KCNQ5: variants seen among roughly 807,000 people sequenced by gnomAD.
The protein encoded by KCNQ5 is potassium voltage-gated channel subfamily Q member 5, also known as potassium voltage-gated channel subfamily KQT member 5.
Under a neutral mutation model 98.2 loss-of-function variants are expected in KCNQ5, and 30 were observed. That is an observed-to-expected ratio of 0.31 (90% confidence interval 0.23 to 0.41). The LOEUF (loss-of-function observed/expected upper bound fraction) is 0.41, where lower values mean the gene tolerates loss of function less well. Ranked by LOEUF, KCNQ5 falls within the 10% of genes least tolerant of loss-of-function variation. The pLI is 1.00. For missense variants in KCNQ5, 835 were observed against 1,182.5 expected, an observed-to-expected ratio of 0.71 and a Z score of 4.31; for synonymous variants, 458 against 449.4, an observed-to-expected ratio of 1.02 and a Z score of -0.24.
At chr6:72,663,539 T>A (rs1292941717) in intron 1 of KCNQ5, among the ~76,000 whole-genome samples, 2 of 152,182 alleles carry the variant, frequency 1.3e-5, no homozygotes, top group South Asian at 2.1e-4. Flanking sequence ...TGAAGTTTTT[T>A]AAAAAGTAAT....
intron 1 of KCNQ5, among the ~76,000 whole-genome samples, chr6:72,809,299 G>A (rs1008194613): frequency 4.0e-5 from 6 of 149,366 alleles, no homozygotes; most frequent in East Asian, 2.0e-4. Context: ...GCTAGATGAC[G>A]AGTTAGTGGG....
At chr6:72,874,691 T>C (rs1170053530) in intron 1 of KCNQ5, among the ~76,000 whole-genome samples, 1 of 152,128 alleles carries the variant, frequency 6.6e-6, no homozygotes, top group East Asian at 1.9e-4. Context: ...TACCTAACAT[T>C]GTCCTCATTC....
Position 72,632,360 on chromosome 6 carries a change from C to T in KCNQ5, c.398+9773C>T, listed in dbSNP as rs185183505. ...GTTTCACCGTGTTAGCCAGGATGGT[C>T]TCCATCTCCTGACCTCGTGATCCGC... On this transcript the variant is annotated intron_variant, in intron 1 of 13. Transcript: ENST00000370398. Among the ~76,000 whole-genome samples, 1,285 of 152,124 alleles carry T rather than the reference C, an allele frequency of 8.4e-3. 9 individuals are homozygous for T. Among genetic ancestry groups the T allele is most frequent in the Non-Finnish European group, 0.014 (948 of 67,936 alleles).
intron 10 of KCNQ5, among the ~76,000 whole-genome samples, chr6:73,145,675 T>C (rs1776892452): frequency 6.6e-6 from 1 of 152,232 alleles, no homozygotes; most frequent in African/African-American, 2.4e-5. Flanking sequence ...ATGTTGGCAT[T>C]TCCTGGCACT....
At chr6:73,082,389 C>T (rs974652060) in intron 5 of KCNQ5, among the ~76,000 whole-genome samples, 1 of 152,108 alleles carries the variant, frequency 6.6e-6, no homozygotes, top group Non-Finnish European at 1.5e-5. Context: ...AACGTCATGA[C>T]CTTACCTATG....
intron 3 of KCNQ5, among the ~76,000 whole-genome samples, chr6:73,057,175 G>T (rs1772548047): frequency 6.6e-6 from 1 of 152,108 alleles, no homozygotes; most frequent in African/African-American, 2.4e-5. Context: ...CATGTCCTTT[G>T]CAGGGACATG....
intron 1 of KCNQ5, among the ~76,000 whole-genome samples, chr6:72,739,855 T>C (rs1303807077): frequency 6.6e-6 from 1 of 152,224 alleles, no homozygotes; most frequent in African/African-American, 2.4e-5. Context: ...TATTGTGTTT[T>C]AAGAATATTT....
At chr6:72,857,484 G>A (rs1777581272) in intron 1 of KCNQ5, among the ~76,000 whole-genome samples, 1 of 152,156 alleles carries the variant, frequency 6.6e-6, no homozygotes, top group Non-Finnish European at 1.5e-5. Context: ...TATTTTACAG[G>A]AAGGGCAGTT....
chr6:72,685,902 G>T (rs112539321), intron 1 of KCNQ5, among the ~76,000 whole-genome samples: 166 of 152,288 alleles, frequency 1.1e-3, no homozygotes, highest in African/African-American at 3.6e-3. Flanking sequence ...GAGCAGGAAA[G>T]TCCTAGATCA....
chr6:73,120,766 C>G (rs530184077), intron 8 of KCNQ5, among the ~76,000 whole-genome samples, 189 bp downstream of exon 8: 43 of 152,334 alleles, frequency 2.8e-4, no homozygotes, highest in Non-Finnish European at 5.3e-4. Flanking sequence ...TCATTCCTCA[C>G]AATCCACAGA....
intron 1 of KCNQ5, among the ~76,000 whole-genome samples, chr6:72,856,144 T>A (rs953954066): frequency 2.0e-5 from 3 of 152,212 alleles, no homozygotes; most frequent in Non-Finnish European, 4.4e-5. Context: ...TTTTTCCATC[T>A]TTCTTCAAGC....
At chr6:72,882,589 G>A (rs1045344951) in intron 1 of KCNQ5, among the ~76,000 whole-genome samples, 4 of 152,200 alleles carry the variant, frequency 2.6e-5, no homozygotes, top group Non-Finnish European at 5.9e-5. Flanking sequence ...ATAAAGTTAA[G>A]AGAATCAGAT....
At chr6:72,697,797 A>G (rs1191926249) in intron 1 of KCNQ5, among the ~76,000 whole-genome samples, 5 of 152,194 alleles carry the variant, frequency 3.3e-5, no homozygotes, top group African/African-American at 4.8e-5. Flanking sequence ...TGGTAAATGG[A>G]TATGTTAATT....
chr6:73,123,416 G>C lies in KCNQ5; in HGVS notation c.1221-1070G>C, dbSNP rs1048500398. On this transcript the variant is annotated intron_variant, in intron 8 of 13. Coordinates refer to ENST00000370398, the MANE Select transcript of KCNQ5 (RefSeq NM_019842.4). ...GTTCCCCAGTTTTAAAGACATAGTG[G>C]GATGCTTTGATTCCACTAAACAGGA... 3.9e-5 allele frequency among the ~76,000 whole-genome samples: 6 copies of C among 152,110 alleles called. 1 individual carries two copies.
At chr6:72,858,754 A>G (rs1777633944) in intron 1 of KCNQ5, among the ~76,000 whole-genome samples, 1 of 152,092 alleles carries the variant, frequency 6.6e-6, no homozygotes, top group South Asian at 2.1e-4. Context: ...CCAGTTCTGT[A>G]TCTTGATTGT....
At chr6:72,851,663 C>T (rs1353582441) in intron 1 of KCNQ5, among the ~76,000 whole-genome samples, 2 of 152,102 alleles carry the variant, frequency 1.3e-5, no homozygotes, top group Non-Finnish European at 2.9e-5. Flanking sequence ...ATTTGAGTCC[C>T]ATCAACTTCT....
chr6:72,705,735 C>G (rs912921073), intron 1 of KCNQ5, among the ~76,000 whole-genome samples: 4 of 151,854 alleles, frequency 2.6e-5, no homozygotes, highest in Non-Finnish European at 5.9e-5. Flanking sequence ...AATTATCAGA[C>G]CTAATTTTTA....
chr6:72,973,441 G>A (rs1224199661), intron 1 of KCNQ5, among the ~76,000 whole-genome samples: 2 of 151,962 alleles, frequency 1.3e-5, no homozygotes, highest in African/African-American at 4.8e-5. Flanking sequence ...GGATTTTGTA[G>A]AAATCCTTTG....
chr6:72,669,489 C>T (rs989896069), intron 1 of KCNQ5, among the ~76,000 whole-genome samples: 1 of 152,172 alleles, frequency 6.6e-6, no homozygotes, highest in Non-Finnish European at 1.5e-5. Context: ...CAGGGTGGCC[C>T]CACCTTGTGG....
Sources: gnomAD v4.1 joint callset for allele counts (sites outside exome capture counted in the v4.1 genomes callset) on GRCh38, gnomAD v4.1.1 for gene constraint, MANE v1.5 for transcripts, NCBI Gene and HGNC (gene_info 2026-07-23, HGNC 2026-07-21) for gene names.